SINHCAF: variants seen among roughly 807,000 people sequenced by gnomAD.
SINHCAF encodes SIN3-HDAC complex-associated factor.
A neutral mutation model predicts 25.8 loss-of-function variants in SINHCAF; 3 were observed. That is an observed-to-expected ratio of 0.12 (90% confidence interval 0.05 to 0.30). SINHCAF has a LOEUF of 0.30. Among genes scored for constraint, SINHCAF ranks in the 10% least tolerant of loss-of-function variants. The probability of loss-of-function intolerance (pLI) is 1.00; values close to 1 mark genes in which losing one functional copy is unlikely to be tolerated. For missense variants in SINHCAF, 121 were observed against 262.3 expected (o/e 0.46, Z 3.72); for synonymous variants, 70 against 85.5 (o/e 0.82, Z 1.00).
At chr12:31,283,710 A>T (rs1937908381) in intron 5 of SINHCAF, among the ~76,000 whole-genome samples, 2 of 152,050 alleles carry the variant, frequency 1.3e-5, no homozygotes, top group Non-Finnish European at 2.9e-5. Context: ...ATTTCCTATG[A>T]AGCCCCCTGC....
intron 4 of SINHCAF, among the ~76,000 whole-genome samples, chr12:31,292,414 G>C (rs954033262): frequency 2.0e-5 from 3 of 151,854 alleles, no homozygotes; most frequent in African/African-American, 7.3e-5. Context: ...CACAAGAATT[G>C]CTTGTACCCC....
chr12:31,307,053 TTGGG>T (rs1196243516), intron 1 of SINHCAF, among the ~76,000 whole-genome samples: 2 of 152,066 alleles, frequency 1.3e-5, no homozygotes, highest in African/African-American at 4.8e-5. Context: ...GGGTAAAAAG[TTGGG>T]TGTGTCATCA....
intron 1 of SINHCAF, among the ~76,000 whole-genome samples, chr12:31,309,308 T>C (rs1056186355): frequency 1.3e-5 from 2 of 152,252 alleles, no homozygotes; most frequent in South Asian, 2.1e-4. Context: ...AATGGGGGTG[T>C]TGCAGGGACT....
intron 3 of SINHCAF, 29 bp from the exon 4 acceptor site, chr12:31,293,960 T>C: frequency 6.4e-7 from 1 of 1,560,176 alleles, no homozygotes; most frequent in Non-Finnish European, 8.6e-7. Context: ...TATTTAATAA[T>C]ATTTTTAAAA....
At chr12:31,295,384 T>G (rs1472417250) in intron 2 of SINHCAF, 51 bp from the exon 3 acceptor site, 3 of 1,204,870 alleles carry the variant, frequency 2.5e-6, no homozygotes, top group Non-Finnish European at 3.7e-6. Context: ...CTTAAAGAAT[T>G]CATGCAAGCA....
intron 4 of SINHCAF, among the ~76,000 whole-genome samples, chr12:31,292,977 G>C (rs1246838914): frequency 6.6e-6 from 1 of 152,180 alleles, no homozygotes; most frequent in Non-Finnish European, 1.5e-5. Context: ...TCTGGAAACA[G>C]AAAGTATATT....
chr12:31,282,889 G>A lies in SINHCAF; in HGVS notation c.507-18C>T, dbSNP rs779693173. 9.6e-6 allele frequency: 15 copies of A among 1,563,962 alleles called. No homozygotes were observed. The South Asian group carries it at 1.3e-4, about 14-fold the overall frequency. ...TCTTCTGTCTAAAAGAAAAAATGGA[G>A]AACAAGATACATTAATAAGGAAGAA... On this transcript the variant is annotated intron_variant, in intron 5 of 5. Coordinates refer to ENST00000337682, the MANE Select transcript of SINHCAF (RefSeq NM_001135812.2).
Position 31,324,681 on chromosome 12 carries a change from T to C in SINHCAF, c.-21+1343A>G. ...GTTTTCTGTCCAGCCGGGCGCTGCC[T>C]ACGTGCAGCATCAGGGATGTCGGAG... On this transcript the variant is annotated intron_variant, in intron 1 of 5. Coordinates refer to ENST00000337682, the MANE Select transcript of SINHCAF (RefSeq NM_001135812.2). The surrounding 1 kb of genome is among the most constrained non-coding windows in gnomAD (Gnocchi z 5.5). 1 of 324,424 alleles carries C rather than the reference T, an allele frequency of 3.1e-6. No homozygotes were observed. The highest frequency in any genetic ancestry group is 6.1e-6 in the Non-Finnish European group (1 of 164,366). The allele number at this position is 324,424 out of a possible 1,614,324, so 20.1% of individuals were successfully genotyped here.
intron 1 of SINHCAF, among the ~76,000 whole-genome samples, chr12:31,307,558 A>AAGAGAG (rs143612587): frequency 1.3e-5 from 2 of 150,604 alleles, no homozygotes; most frequent in African/African-American, 2.4e-5. Flanking sequence ...CTGTCTAAAA[A>AAGAGAG]AGAGAGAGAG....
At chr12:31,307,785 T>A (rs137908620) in intron 1 of SINHCAF, among the ~76,000 whole-genome samples, 3 of 152,132 alleles carry the variant, frequency 2.0e-5, no homozygotes, top group Admixed American at 2.0e-4. Context: ...ATAGCTGATA[T>A]TGCCCTCATA....
At position 31,324,093 on chromosome 12, in the gene SINHCAF, G is replaced by C. The variant is rs1339931779; in HGVS notation, c.-21+1931C>G. On this transcript the variant is annotated intron_variant, in intron 1 of 5. Transcript: ENST00000337682. This position sits in a 1 kb window ranked among gnomAD's most constrained non-coding sequence, Gnocchi z 5.5. ...GTTCCTGCGGGGGCCGCTCGCCGGG[G>C]CGAGGGCGAGGGCAGCGGGAGGTGA... is the stretch of plus-strand genomic sequence containing the variant. 1 of 453,766 alleles carries C rather than the reference G, an allele frequency of 2.2e-6. No individual in the cohort carries two copies. The highest frequency in any genetic ancestry group is 2.0e-5 in the African/African-American group (1 of 49,988). 28.1% of individuals were successfully genotyped at this position (453,766 alleles called of 1,614,324 possible). A position where few individuals can be genotyped will look rare whatever the true frequency, so the allele number is the denominator to read the frequency against.
In SINHCAF at chr12:31,293,950, T is replaced by A; in HGVS notation, c.229-19A>T. The A allele has an allele frequency of 1.3e-6, 2 of 1,567,040 alleles. No individual in the cohort carries two copies. Among genetic ancestry groups the A allele is most frequent in the Non-Finnish European group, 1.7e-6 (2 of 1,161,616 alleles). On this transcript the variant is annotated intron_variant, in intron 3 of 5. Coordinates refer to ENST00000337682, the MANE Select transcript of SINHCAF (RefSeq NM_001135812.2). ...CTACCACCTGGAAGAAAATACTGAA[T>A]ATTTAATAATATTTTTAAAATGACA...
At chr12:31,293,405 T>C (rs1273450656) in intron 4 of SINHCAF, among the ~76,000 whole-genome samples, 6 of 152,226 alleles carry the variant, frequency 3.9e-5, no homozygotes, top group African/African-American at 1.4e-4. Flanking sequence ...TTATGATTTC[T>C]AAAGTTACTT....
chr12:31,300,821 C>T (rs573385924), intron 1 of SINHCAF, among the ~76,000 whole-genome samples: 5 of 152,110 alleles, frequency 3.3e-5, no homozygotes, highest in Non-Finnish European at 5.9e-5. Context: ...GCATTACCAT[C>T]AAGAAGGTCA....
At chr12:31,321,455 C>G (rs914876245) in intron 1 of SINHCAF, among the ~76,000 whole-genome samples, 2 of 152,144 alleles carry the variant, frequency 1.3e-5, no homozygotes, top group African/African-American at 2.4e-5. Flanking sequence ...TCCCCAGAAA[C>G]GATAACTGAC....
intron 1 of SINHCAF, among the ~76,000 whole-genome samples, chr12:31,306,134 T>G (rs923950854): frequency 3.9e-5 from 6 of 152,222 alleles, no homozygotes; most frequent in Admixed American, 3.9e-4. Flanking sequence ...ATCAGCAGGA[T>G]GGGCAATTGC....
In SINHCAF at chr12:31,293,769, A is replaced by G. The variant is rs767672090; in HGVS notation, c.355+36T>C. ...CACCCCCAGCCAAAAATAACAAAAC[A>G]ATTATTAAGTACTAATGTTGTAATA... On this transcript the variant is annotated intron_variant, in intron 4 of 5. Coordinates refer to ENST00000337682, the MANE Select transcript of SINHCAF (RefSeq NM_001135812.2). 16 of 1,548,082 alleles carry G rather than the reference A, an allele frequency of 1.0e-5. No individual in the cohort carries two copies. In the South Asian group the frequency reaches 1.3e-4, roughly 13 times the overall value.
At chr12:31,291,383 A>G (rs1938309040) in intron 4 of SINHCAF, among the ~76,000 whole-genome samples, 1 of 152,188 alleles carries the variant, frequency 6.6e-6, no homozygotes, top group Admixed American at 6.5e-5. Context: ...AGAGTTACAC[A>G]TTTGCTAGTG....
intron 1 of SINHCAF, among the ~76,000 whole-genome samples, chr12:31,306,720 C>T (rs1939040001): frequency 1.3e-5 from 2 of 152,150 alleles, no homozygotes; most frequent in Admixed American, 6.5e-5. Context: ...TTGCCAAAAG[C>T]GAGATCCAAG....
Sources: allele counts gnomAD v4.1 joint callset (sites outside exome capture counted in the v4.1 genomes callset), GRCh38; gene constraint gnomAD v4.1.1; non-coding constraint Gnocchi (gnomAD v3.1); transcripts MANE v1.5; gene names NCBI Gene and HGNC (gene_info 2026-07-23, HGNC 2026-07-21).